Variants in TLN2 observed in about 807,000 individuals in gnomAD.
The protein encoded by TLN2 is talin-2.
A neutral mutation model predicts 294.7 loss-of-function variants in TLN2; 118 were observed. That is an observed-to-expected ratio of 0.40 (90% CI 0.34 to 0.47). The LOEUF (loss-of-function observed/expected upper bound fraction) is 0.47. Among genes scored for constraint, TLN2 ranks in the 20% least tolerant of loss-of-function variants. The probability of loss-of-function intolerance (pLI) is 0.84; values close to 1 mark genes in which losing one functional copy is unlikely to be tolerated. For synonymous variants in TLN2, 1,431 were observed against 1,304.5 expected (o/e 1.10, Z -2.09); for missense variants, 3,083 against 3,282.2 (o/e 0.94, Z 1.48).
intron 1 of TLN2, among the ~76,000 whole-genome samples, chr15:62,583,553 G>C (rs921243942): frequency 1.3e-5 from 2 of 151,888 alleles, no homozygotes; most frequent in South Asian, 4.1e-4. Flanking sequence ...GAAAAAAATG[G>C]GGGAGAAAAC....
chr15:62,785,392 C>T (rs574547122), intron 45 of TLN2, among the ~76,000 whole-genome samples: 2 of 152,242 alleles, frequency 1.3e-5, no homozygotes, highest in East Asian at 1.9e-4. Context: ...GTGGGCTGGG[C>T]GTGATGGCTC....
intron 1 of TLN2, among the ~76,000 whole-genome samples, chr15:62,463,068 C>A (rs1229968103): frequency 6.6e-6 from 1 of 152,150 alleles, no homozygotes; most frequent in Admixed American, 6.5e-5. Context: ...TTCCCCCAAC[C>A]CCCCTGCCTC....
intron 1 of TLN2, among the ~76,000 whole-genome samples, chr15:62,521,307 G>A (rs2040444801): frequency 6.6e-6 from 1 of 152,120 alleles, no homozygotes; most frequent in Non-Finnish European, 1.5e-5. Context: ...GGGTACAGGG[G>A]AAAGCCCTGG....
chr15:62,605,292 A>T (rs1263220932), intron 2 of TLN2, among the ~76,000 whole-genome samples: 1 of 152,236 alleles, frequency 6.6e-6, no homozygotes, highest in Admixed American at 6.5e-5. Flanking sequence ...TAATTAAAAT[A>T]AATTGAGTTT....
intron 36 of TLN2, 116 bp downstream of exon 36, chr15:62,754,032 G>C: frequency 7.6e-7 from 1 of 1,318,312 alleles, no homozygotes; most frequent in Non-Finnish European, 9.9e-7. Flanking sequence ...TGCAAAGGTA[G>C]CTAAATGCCA....
intron 1 of TLN2, among the ~76,000 whole-genome samples, chr15:62,467,564 C>T (rs536807201): frequency 1.1e-4 from 17 of 152,160 alleles, no homozygotes; most frequent in African/African-American, 3.4e-4. Flanking sequence ...TGGTGGTGCA[C>T]GCCTGTAATC....
chr15:62,835,601 A>T, intron 55 of TLN2, 136 bp from the exon 56 acceptor site: 4 of 898,626 alleles, frequency 4.5e-6, no homozygotes, highest in Admixed American at 1.9e-5. Context: ...AGGTTGCTCC[A>T]TTCTCAGGCC....
chr15:62,761,768 G>A lies in TLN2; in HGVS notation c.4726G>A (p.Ala1576Thr), dbSNP rs1367885968. 4.3e-6 allele frequency: 7 copies of A among 1,614,054 alleles called. No homozygotes were observed. Among genetic ancestry groups the A allele is most frequent in the Admixed American group, 1.7e-5 (1 of 60,006 alleles). The stretch of plus-strand genomic sequence containing the variant: ...GATTGAAGCTGTGGAGAACCTGACA[G>A]CGTTCGCCTCAAACCCTGAGTTTGT... Reference protein sequence around the residue: ...PLIEAVENLTAFASNPEFVSI... With the variant: ...PLIEAVENLTTFASNPEFVSI... The change falls in exon 38 of 59, where the codon GCG (alanine) becomes ACG (threonine). Residue 1576 changes from alanine to threonine, a missense_variant. Transcript: ENST00000636159.
chr15:62,697,898 G>C (rs146722140), intron 15 of TLN2, 30 bp downstream of exon 15: 1 of 1,603,836 alleles, frequency 6.2e-7, no homozygotes, highest in Admixed American at 1.7e-5. Context: ...TCCCCCACTC[G>C]TTAGTCTGCT....
intron 1 of TLN2, among the ~76,000 whole-genome samples, chr15:62,494,014 C>T (rs1212714432): frequency 6.6e-6 from 1 of 152,138 alleles, no homozygotes; most frequent in East Asian, 1.9e-4. Flanking sequence ...GATACCACCC[C>T]CCTTTGTCTG....
intron 9 of TLN2, among the ~76,000 whole-genome samples, chr15:62,659,489 C>T (rs1378709474): frequency 3.3e-5 from 5 of 152,114 alleles, no homozygotes; most frequent in Admixed American, 1.3e-4. Context: ...CTGCCTGTGT[C>T]GAGATTACAA....
intron 28 of TLN2, among the ~76,000 whole-genome samples, chr15:62,729,973 A>G (rs923581008): frequency 6.6e-6 from 1 of 151,334 alleles, no homozygotes; most frequent in Non-Finnish European, 1.5e-5. Flanking sequence ...GCATAATGCA[A>G]GAATCTTGAG....
chr15:62,396,930 C>T (rs1401602757), intron 1 of TLN2, among the ~76,000 whole-genome samples: 2 of 152,132 alleles, frequency 1.3e-5, no homozygotes, highest in African/African-American at 4.8e-5. Flanking sequence ...GTCTGGAACT[C>T]TTGGGCTCAG....
chr15:62,567,254 A>T (rs2043480000), intron 1 of TLN2, among the ~76,000 whole-genome samples: 1 of 152,238 alleles, frequency 6.6e-6, no homozygotes, highest in Admixed American at 6.5e-5. Flanking sequence ...AATGTTTAGC[A>T]TCTTGATTTG....
At chr15:62,744,412 T>TAA (rs2061501572) in intron 32 of TLN2, among the ~76,000 whole-genome samples, 14 of 149,232 alleles carry the variant, frequency 9.4e-5, no homozygotes, top group Admixed American at 8.6e-4. Context: ...TAATTTTTTT[T>TAA]TTTTTTTTTT....
At chr15:62,716,599 C>T (rs2059787904) in intron 23 of TLN2, 140 bp downstream of exon 23, 4 of 1,183,376 alleles carry the variant, frequency 3.4e-6, no homozygotes, top group Non-Finnish European at 3.4e-6. Context: ...GGTTTGAGTA[C>T]TATAAAAGCA....
At chr15:62,518,022 C>G (rs1437330737) in intron 1 of TLN2, among the ~76,000 whole-genome samples, 1 of 150,424 alleles carries the variant, frequency 6.6e-6, no homozygotes, top group South Asian at 2.1e-4. Flanking sequence ...AGTAAATGCT[C>G]ATTAAATATT....
At chr15:62,684,159 A>G (rs1423363506) in intron 11 of TLN2, 1 of 152,168 alleles carries the variant, frequency 6.6e-6, no homozygotes, top group African/African-American at 2.4e-5. Flanking sequence ...TCCTCTCCCA[A>G]TCTGGAATGA....
At chr15:62,656,311 T>C (rs1238002673) in intron 8 of TLN2, among the ~76,000 whole-genome samples, 1 of 152,204 alleles carries the variant, frequency 6.6e-6, no homozygotes, top group African/African-American at 2.4e-5. Flanking sequence ...GCTTCCCAGA[T>C]TGTGTCCTGG....
Sources: allele counts gnomAD v4.1 joint callset (sites outside exome capture counted in the v4.1 genomes callset), GRCh38; gene constraint gnomAD v4.1.1; transcripts MANE v1.5; gene names NCBI Gene and HGNC (gene_info 2026-07-23, HGNC 2026-07-21).